Variants in ENGASE observed in about 807,000 individuals in gnomAD.
ENGASE encodes endo-beta-N-acetylglucosaminidase.
In ENGASE, 69 loss-of-function variants were observed where a neutral mutation model predicts 78.5. The ratio of observed to expected loss-of-function variants is 0.88; its 90% CI spans 0.72 to 1.07. The LOEUF (loss-of-function observed/expected upper bound fraction) is 1.07, where lower values mean the gene tolerates loss of function less well. Among genes scored for constraint, ENGASE ranks in the 50% least tolerant of loss-of-function variants. ENGASE has a pLI of 0.00. For missense variants in ENGASE, 943 were observed against 988.4 expected (o/e 0.95, Z 0.62); for synonymous variants, 408 against 408.9 (o/e 1.00, Z 0.03).
At chr17:79,076,231 T>C (rs1260182778) in intron 1 of ENGASE, among the ~76,000 whole-genome samples, 1 of 152,214 alleles carries the variant, frequency 6.6e-6, no homozygotes, top group Admixed American at 6.5e-5. Flanking sequence ...CCATGGCCTC[T>C]AAATAGCCAC....
At chr17:79,084,016 C>G in intron 10 of ENGASE, 65 bp downstream of exon 10, 2 of 1,439,494 alleles carry the variant, frequency 1.4e-6, no homozygotes, top group African/African-American at 2.8e-5. Context: ...GGCCATGGAA[C>G]TGGACAGATG....
chr17:79,083,146 C>G lies in ENGASE; in HGVS notation c.1142+23C>G. ...CAAGTGAGTCCTGCTGTCCTGGGTG[C>G]TTAGTGCAGGCTGATGGGAGGGAGG... On this transcript the variant is annotated intron_variant, in intron 8 of 13. Transcript: ENST00000579016. The surrounding 1 kb of genome is among the most constrained non-coding windows in gnomAD (Gnocchi z 4.9). The G allele has an allele frequency of 6.5e-7, 1 of 1,547,052 alleles. No homozygotes were observed. The highest frequency in any genetic ancestry group is 8.9e-7 in the Non-Finnish European group (1 of 1,120,740).
Position 79,086,205 on chromosome 17 carries a change from G to C in ENGASE, c.2088G>C (p.Arg696=). 6.2e-7 allele frequency: 1 copy of C among 1,613,608 alleles called. No homozygotes were observed. Residue 696 remains arginine, a synonymous_variant, in exon 14 of 14, where the codon CGG becomes CGC. Coordinates refer to ENST00000579016, the MANE Select transcript of ENGASE (RefSeq NM_001042573.3). ...GGTTGGCTTTTGCCACCCAGTACCG[G>C]ATAGTGGACCTGCTGGTGGAAGCCG... ...FLGLAFATQY[R]IVDLLVEAAG... is the part of the protein sequence containing the mutation.
At chr17:79,080,803 A>T in intron 5 of ENGASE, 122 bp from the exon 6 acceptor site, 4 of 1,358,372 alleles carry the variant, frequency 2.9e-6, no homozygotes, top group African/African-American at 1.5e-5. Flanking sequence ...GGCCTTTCAG[A>T]ACTGCAGCTT....
chr17:79,085,674 C>T lies in ENGASE; in HGVS notation c.1755C>T (p.Phe585=). The change falls in exon 13 of 14, where the codon TTC becomes TTT. Residue 585 remains phenylalanine (F), a synonymous_variant. Coordinates refer to ENST00000579016, the MANE Select transcript of ENGASE (RefSeq NM_001042573.3). ...TGCTGCTAGACCTCCTCGTTTGCTT[C>T]TCACGGCCGCCGGGTAGTCGGGAGG... ...GCLLLDLLVC[F]SRPPGSREEE... is the part of the protein sequence containing the mutation. The T allele has an allele frequency of 1.2e-6, 2 of 1,613,996 alleles. No individual in the cohort carries two copies. The highest frequency in any genetic ancestry group is 8.5e-7 in the Non-Finnish European group (1 of 1,179,998).
rs1226050711 is a variant in ENGASE at position 79,086,288 on chromosome 17, G to A, written c.2171G>A (p.Gly724Glu). The A allele has an allele frequency of 6.2e-7, 1 of 1,613,538 alleles. No individual in the cohort carries two copies. The change falls in exon 14 of 14, where the codon GGG (glycine) becomes GAG (glutamate). Residue 724 changes from glycine (G) to glutamate (E), a missense_variant. By Grantham distance (98) the Gly-to-Glu change is moderately conservative. Transcript: ENST00000579016. Reference sequence around the variant, plus strand: ...CTGGTGGAGCCTGTCCCCAAGGAAGGGTTCCGGGTACCTCAGGCCGAGTGG... The same window carrying A: ...CTGGTGGAGCCTGTCCCCAAGGAAGAGTTCCGGGTACCTCAGGCCGAGTGG... ...EFLVEPVPKE[G>E]FRVPQAEWGR...
At chr17:79,080,872 T>G in intron 5 of ENGASE, 53 bp from the exon 6 acceptor site, 1 of 1,569,932 alleles carries the variant, frequency 6.4e-7, no homozygotes, top group East Asian at 2.3e-5. Context: ...ATACTTCTCA[T>G]GATAGATAGA....
Position 79,084,701 on chromosome 17 carries a change from C to T in ENGASE, c.1591+15C>T, listed in dbSNP as rs1448761328. 7 of 1,610,702 alleles carry T rather than the reference C, an allele frequency of 4.3e-6. No homozygotes were observed. In the African/African-American group the frequency reaches 6.7e-5, roughly 15 times the overall value. On this transcript the variant is annotated intron_variant, in intron 11 of 13. Transcript: ENST00000579016. ...AGTGTTGAACGGTGAGGTAATGGGG[C>T]CCAGGCCTGCCTCTGCCCAGGGCGG...
chr17:79,080,089 T>C, intron 4 of ENGASE, 118 bp from the exon 5 acceptor site: 4 of 1,057,922 alleles, frequency 3.8e-6, no homozygotes, highest in Non-Finnish European at 5.3e-6. Flanking sequence ...GGGATTTGAA[T>C]GTCTACCAAG....
chr17:79,086,665 T>G lies in ENGASE; in HGVS notation c.*316T>G. On this transcript the variant is annotated 3_prime_UTR_variant, in exon 14 of 14. Transcript: ENST00000579016. ...GAGGGGAGAAGTTGAGAACAGAACA[T>G]TCCATAAAGGATATTTCCTAATAGG... is the stretch of plus-strand genomic sequence containing the variant. 5 of 477,750 alleles carry G rather than the reference T, an allele frequency of 1.0e-5. No homozygotes were observed. The highest frequency in any genetic ancestry group is 3.3e-5 in the Admixed American group (1 of 30,030). 29.6% of individuals were successfully genotyped at this position (477,750 alleles called of 1,614,324 possible).
intron 1 of ENGASE, among the ~76,000 whole-genome samples, chr17:79,075,548 A>G (rs2072948532): frequency 6.6e-6 from 1 of 152,202 alleles, no homozygotes. Context: ...GGTGGAGAAT[A>G]GGGAGTAGGG....
intron 3 of ENGASE, 38 bp downstream of exon 3, chr17:79,077,902 T>C: frequency 6.4e-7 from 1 of 1,566,438 alleles, no homozygotes; most frequent in Non-Finnish European, 8.7e-7. Flanking sequence ...GCTTACATTG[T>C]TCTCCTTTGC....
At chr17:79,084,432 C>A in intron 10 of ENGASE, 106 bp from the exon 11 acceptor site, 1 of 1,199,416 alleles carries the variant, frequency 8.3e-7, no homozygotes. Flanking sequence ...ATTTGGCACC[C>A]AGGCCCCCTG....
intron 3 of ENGASE, among the ~76,000 whole-genome samples, chr17:79,078,774 G>C (rs537500829): frequency 6.6e-6 from 1 of 152,340 alleles, no homozygotes; most frequent in African/African-American, 2.4e-5. Flanking sequence ...CTTGGGCGCA[G>C]CTCACAGGGC....
Position 79,083,940 on chromosome 17 carries a change from T to C in ENGASE, c.1431T>C (p.Asn477=). The C allele has an allele frequency of 6.2e-7, 1 of 1,609,758 alleles. No homozygotes were observed. The highest frequency in any genetic ancestry group is 8.5e-7 in the Non-Finnish European group (1 of 1,179,538). ...VRGVIPPEVG[N]VAVRLFSLQA... ...GTGTGATCCCACCGGAGGTTGGAAA[T>C]GTGGCTGTGAGGTGGGTGAGTGACG... The change falls in exon 10 of 14, where the codon AAT becomes AAC. Residue 477 remains asparagine, a synonymous_variant. Coordinates refer to ENST00000579016, the MANE Select transcript of ENGASE (RefSeq NM_001042573.3). The surrounding 1 kb of genome is among the most constrained non-coding windows in gnomAD (Gnocchi z 4.9).
rs1399911687 is a variant in ENGASE at position 79,080,233 on chromosome 17, G to C, written c.592G>C (p.Gly198Arg). The C allele has an allele frequency of 1.2e-6, 2 of 1,609,242 alleles. No individual in the cohort carries two copies. Among genetic ancestry groups the C allele is most frequent in the South Asian group, 2.2e-5 (2 of 90,714 alleles). ...LGTFITEWNEGGRLCEAFLAG... is the reference protein window; with the variant it reads ...LGTFITEWNERGRLCEAFLAG... ...GACTTTCATCACGGAGTGGAATGAAGGGGGAAGGCTCTGTGAAGCCTTCCT... is the reference window on the plus strand; with the variant it reads ...GACTTTCATCACGGAGTGGAATGAACGGGGAAGGCTCTGTGAAGCCTTCCT... Residue 198 changes from glycine to arginine, a missense_variant, in exon 5 of 14, where the codon GGG becomes CGG. Transcript: ENST00000579016.
rs750151671 is a variant in ENGASE, at chr17:79,077,744, G to A, written c.296G>A (p.Arg99His). 1.7e-5 allele frequency: 27 copies of A among 1,614,072 alleles called. No homozygotes were observed. Among genetic ancestry groups the A allele is most frequent in the Middle Eastern group, 1.6e-4 (1 of 6,084 alleles). Residue 99 changes from arginine to histidine, a missense_variant, in exon 3 of 14, where the codon CGC (arginine) becomes CAC (histidine). Physicochemically the swap from Arg to His is conservative, Grantham distance 29. Transcript: ENST00000579016. ...SLEELLAWKP[R>H]LEDGFNVALE... ...GAGGAGCTCTTGGCGTGGAAGCCCCGCTTGGAGGATGGCTTTAATGTGGCC... is the reference window on the plus strand; with the variant it reads ...GAGGAGCTCTTGGCGTGGAAGCCCCACTTGGAGGATGGCTTTAATGTGGCC...
At chr17:79,085,587 G>T (rs1223190357) in intron 12 of ENGASE, 33 bp from the exon 13 acceptor site, 2 of 1,609,992 alleles carry the variant, frequency 1.2e-6, no homozygotes, top group Admixed American at 3.3e-5. Flanking sequence ...TCTGGGCTGA[G>T]CCCGGCCAGT....
In ENGASE at chr17:79,086,010, A is replaced by T; in HGVS notation, c.1893A>T (p.Pro631=). Reference sequence around the variant, plus strand: ...CCATCTCTCACATCCGCTGGCAGCCATCCGCCTCTGAGCGGGAGGGGCCCC... The same window carrying T: ...CCATCTCTCACATCCGCTGGCAGCCTTCCGCCTCTGAGCGGGAGGGGCCCC... ...AVTISHIRWQ[P]SASEREGPPA... The change falls in exon 14 of 14, where the codon CCA becomes CCT. Residue 631 remains proline (P), a synonymous_variant. Coordinates refer to ENST00000579016, the MANE Select transcript of ENGASE (RefSeq NM_001042573.3). 1 of 1,611,958 alleles carries T rather than the reference A, an allele frequency of 6.2e-7. No individual in the cohort carries two copies. The highest frequency in any genetic ancestry group is 1.1e-5 in the South Asian group (1 of 91,084).
Sources: gnomAD v4.1 joint callset for allele counts (sites outside exome capture counted in the v4.1 genomes callset) on GRCh38, gnomAD v4.1.1 for gene constraint, Gnocchi (gnomAD v3.1) non-coding constraint, MANE v1.5 for transcripts, NCBI Gene and HGNC (gene_info 2026-07-23, HGNC 2026-07-21) for gene names.